CHCHD3: variants seen among roughly 807,000 people sequenced by gnomAD.
The protein encoded by CHCHD3 is MICOS complex subunit MIC19.
Under a neutral mutation model 38.2 loss-of-function variants are expected in CHCHD3, and 20 were observed. That is an observed-to-expected ratio of 0.52 (90% CI 0.37 to 0.76). The LOEUF is 0.76. Among genes scored for constraint, CHCHD3 ranks in the 30% least tolerant of loss-of-function variants. The probability of loss-of-function intolerance (pLI) is 0.00; values close to 1 mark genes in which losing one functional copy is unlikely to be tolerated. For missense variants in CHCHD3, 245 were observed against 279.2 expected, an observed-to-expected ratio of 0.88 and a Z score of 0.87; for synonymous variants, 82 against 100.0, an observed-to-expected ratio of 0.82 and a Z score of 1.07.
intron 4 of CHCHD3, among the ~76,000 whole-genome samples, chr7:132,924,661 T>C (rs1810335522): frequency 6.6e-6 from 1 of 152,142 alleles, no homozygotes; most frequent in African/African-American, 2.4e-5. Context: ...GTGGAGCAGA[T>C]ATTCTTAGAT....
intron 4 of CHCHD3, among the ~76,000 whole-genome samples, chr7:132,943,641 G>A (rs1384387795): frequency 6.6e-6 from 1 of 152,004 alleles, no homozygotes; most frequent in Non-Finnish European, 1.5e-5. Flanking sequence ...ATTTTAAAGG[G>A]AGACAAACCA....
At chr7:132,883,114 C>T (rs779173511) in intron 5 of CHCHD3, among the ~76,000 whole-genome samples, 1 of 152,166 alleles carries the variant, frequency 6.6e-6, no homozygotes, top group Non-Finnish European at 1.5e-5. Context: ...TTTCCTGAGG[C>T]CTCCCTAGCC....
chr7:132,947,948 A>T (rs1810937516), intron 4 of CHCHD3, among the ~76,000 whole-genome samples: 1 of 152,104 alleles, frequency 6.6e-6, no homozygotes, highest in Admixed American at 6.6e-5. Flanking sequence ...CATAAAATAA[A>T]AGTGTGACAA....
chr7:132,817,246 A>G (rs1199909010), intron 6 of CHCHD3, among the ~76,000 whole-genome samples: 19 of 150,624 alleles, frequency 1.3e-4, no homozygotes, highest in Non-Finnish European at 1.5e-5. Flanking sequence ...GTATTTGTCC[A>G]TGGGATAAAC....
In CHCHD3 at chr7:132,984,226, C is replaced by G. The variant is rs1812009835; in HGVS notation, c.252-8940G>C. On this transcript the variant is annotated intron_variant, in intron 3 of 7. Transcript: ENST00000262570. ...TGCAGGCGCACGGCGCCACGCCTGA[C>G]TGGTTTTCGTATTTTTTTGGTGGAG... 2.0e-5 allele frequency among the ~76,000 whole-genome samples: 3 copies of G among 151,712 alleles called. No individual in the cohort carries two copies. The South Asian group carries it at 6.2e-4, about 31-fold the overall frequency.
chr7:132,902,873 G>A (rs755643887), intron 4 of CHCHD3, among the ~76,000 whole-genome samples: 2 of 152,090 alleles, frequency 1.3e-5, no homozygotes, highest in South Asian at 4.2e-4. Context: ...CACTATTTGT[G>A]AACAATACTC....
At chr7:132,959,722 CAA>C (rs376282108) in intron 4 of CHCHD3, among the ~76,000 whole-genome samples, 7 of 44,124 alleles carry the variant, frequency 1.6e-4, no homozygotes, top group Admixed American at 2.3e-4. Flanking sequence ...AACTCCGTCT[CAA>C]AAAAAAAAAA....
At chr7:132,796,388 T>C in intron 7 of CHCHD3, 54 bp downstream of exon 7, 1 of 1,604,784 alleles carries the variant, frequency 6.2e-7, no homozygotes, top group Non-Finnish European at 8.5e-7. Context: ...CTGCCCCAGG[T>C]CATCCAGTTT....
chr7:132,994,845 T>C (rs1027706390), intron 3 of CHCHD3, among the ~76,000 whole-genome samples: 4 of 152,222 alleles, frequency 2.6e-5, no homozygotes, highest in Non-Finnish European at 5.9e-5. Context: ...CTCATCTTTC[T>C]GTTGAAAGTC....
At chr7:132,961,448 C>T (rs1811317982) in intron 4 of CHCHD3, among the ~76,000 whole-genome samples, 1 of 151,988 alleles carries the variant, frequency 6.6e-6, no homozygotes, top group African/African-American at 2.4e-5. Flanking sequence ...TTTATTTTTC[C>T]CCAGTTTTAC....
At chr7:132,955,749 A>T (rs1314929596) in intron 4 of CHCHD3, among the ~76,000 whole-genome samples, 1 of 152,132 alleles carries the variant, frequency 6.6e-6, no homozygotes, top group Non-Finnish European at 1.5e-5. Flanking sequence ...GATTGGCTCA[A>T]TTCTGATTCT....
At chr7:132,880,605 TACA>T (rs1473092394) in intron 5 of CHCHD3, among the ~76,000 whole-genome samples, 2 of 151,402 alleles carry the variant, frequency 1.3e-5, no homozygotes, top group Non-Finnish European at 2.9e-5. Flanking sequence ...TTGTAGAAAA[TACA>T]GAAATATGCA....
intron 2 of CHCHD3, among the ~76,000 whole-genome samples, chr7:133,028,587 C>T (rs997178795): frequency 2.5e-4 from 38 of 151,734 alleles, no homozygotes; most frequent in African/African-American, 8.7e-4. Context: ...GGGACTGGTA[C>T]CTTAAAAAGA....
intron 3 of CHCHD3, among the ~76,000 whole-genome samples, chr7:133,017,002 G>A (rs1349734097): frequency 6.6e-6 from 1 of 152,204 alleles, no homozygotes; most frequent in African/African-American, 2.4e-5. Flanking sequence ...GGTAAGGAAA[G>A]TACACTCCTC....
intron 2 of CHCHD3, among the ~76,000 whole-genome samples, chr7:133,060,542 A>G (rs1213400381): frequency 2.0e-5 from 3 of 152,108 alleles, no homozygotes; most frequent in Non-Finnish European, 4.4e-5. Context: ...AAAGGCAGGT[A>G]AGAGGTGAGA....
intron 5 of CHCHD3, among the ~76,000 whole-genome samples, chr7:132,853,220 G>C (rs1808260876): frequency 6.6e-6 from 1 of 152,160 alleles, no homozygotes; most frequent in East Asian, 1.9e-4. Flanking sequence ...CCTTAATGAG[G>C]AGGTGCTCTG....
intron 2 of CHCHD3, among the ~76,000 whole-genome samples, chr7:133,056,467 C>T (rs538934861): frequency 2.8e-4 from 42 of 152,280 alleles, no homozygotes; most frequent in Admixed American, 1.7e-3. Flanking sequence ...CATCACCACC[C>T]CTTTCCTGAA....
intron 6 of CHCHD3, among the ~76,000 whole-genome samples, chr7:132,824,336 T>TTTTTTTTA (rs1807454286): frequency 3.4e-5 from 5 of 145,514 alleles, no homozygotes; most frequent in East Asian, 2.2e-4. Context: ...TTTTTTTTTT[T>TTTTTTTTA]GAGACGGAGT....
At chr7:132,838,011 C>T (rs891375422) in intron 6 of CHCHD3, among the ~76,000 whole-genome samples, 2 of 152,022 alleles carry the variant, frequency 1.3e-5, no homozygotes, top group African/African-American at 4.8e-5. Flanking sequence ...AGGCAGATAC[C>T]CAAATTTGGA....
Sources: allele counts gnomAD v4.1 joint callset (sites outside exome capture counted in the v4.1 genomes callset), GRCh38; gene constraint gnomAD v4.1.1; transcripts MANE v1.5; gene names NCBI Gene and HGNC (gene_info 2026-07-23, HGNC 2026-07-21).